Variants in CRACD observed in about 807,000 individuals in gnomAD.
CRACD encodes capping protein-inhibiting regulator of actin dynamics.
A neutral mutation model predicts 106.8 loss-of-function variants in CRACD; 56 were observed. The ratio of observed to expected loss-of-function variants is 0.52; its 90% confidence interval spans 0.42 to 0.66. The LOEUF (loss-of-function observed/expected upper bound fraction) is 0.66. CRACD is among the 30% of genes least tolerant of loss of function. The pLI is 0.00. For synonymous variants in CRACD, 754 were observed against 670.8 expected, an observed-to-expected ratio of 1.12 and a Z score of -1.92; for missense variants, 1,730 against 1,623.2, an observed-to-expected ratio of 1.07 and a Z score of -1.13.
At chr4:56,288,739 AC>A (rs150250291) in intron 3 of CRACD, among the ~76,000 whole-genome samples, 8,472 of 151,814 alleles carry the variant, frequency 0.056, 310 homozygotes, top group Non-Finnish European at 0.08. Flanking sequence ...CTTACGGCAC[AC>A]CTATTTACTT....
chr4:56,134,589 C>A (rs1272083828), intron 1 of CRACD, among the ~76,000 whole-genome samples: 1 of 152,110 alleles, frequency 6.6e-6, no homozygotes, highest in Non-Finnish European at 1.5e-5. Context: ...TCTCCCCAAG[C>A]ATTGTTTATA....
intron 1 of CRACD, among the ~76,000 whole-genome samples, chr4:56,087,732 T>G (rs1005652983): frequency 1.3e-5 from 2 of 152,176 alleles, no homozygotes; most frequent in Non-Finnish European, 2.9e-5. Context: ...CAAAATTCAA[T>G]GTATACAAAA....
intron 4 of CRACD, 87 bp downstream of exon 4, chr4:56,298,436 G>A (rs1577875926): frequency 1.3e-6 from 2 of 1,520,654 alleles, no homozygotes; most frequent in East Asian, 4.5e-5. Flanking sequence ...TTGGCCTTGA[G>A]TAATGGATTG....
At chr4:56,282,244 A>T (rs376272886) in intron 3 of CRACD, among the ~76,000 whole-genome samples, 8 of 152,242 alleles carry the variant, frequency 5.3e-5, no homozygotes, top group Admixed American at 3.3e-4. Context: ...AATCATTGCC[A>T]TAGTAATTAC....
At chr4:56,111,765 G>A (rs1220870297) in intron 1 of CRACD, among the ~76,000 whole-genome samples, 17 of 152,048 alleles carry the variant, frequency 1.1e-4, no homozygotes, top group African/African-American at 2.4e-4. Flanking sequence ...TGATCTGCCC[G>A]CCTCAGCCTT....
chr4:56,189,634 T>C (rs1737272179), intron 2 of CRACD, among the ~76,000 whole-genome samples: 2 of 144,976 alleles, frequency 1.4e-5, no homozygotes, highest in African/African-American at 5.1e-5. Flanking sequence ...CACCTATGAG[T>C]GAGAACATGC....
intron 2 of CRACD, among the ~76,000 whole-genome samples, chr4:56,229,134 A>G (rs1739474589): frequency 6.6e-6 from 1 of 152,214 alleles, no homozygotes; most frequent in African/African-American, 2.4e-5. Flanking sequence ...GGGAAGTTAA[A>G]CAGCAGAGAC....
At chr4:56,250,581 G>A (rs893142818) in intron 2 of CRACD, among the ~76,000 whole-genome samples, 1 of 152,202 alleles carries the variant, frequency 6.6e-6, no homozygotes, top group Non-Finnish European at 1.5e-5. Context: ...ATCTAGTAGT[G>A]TTCCCAAGAC....
At chr4:56,269,559 A>G (rs1002200216) in intron 2 of CRACD, among the ~76,000 whole-genome samples, 1 of 128,210 alleles carries the variant, frequency 7.8e-6, no homozygotes, top group African/African-American at 3.1e-5. Context: ...GGGAGGTGCC[A>G]CACTTTTTTT....
chr4:56,211,531 G>A (rs951273199), intron 2 of CRACD, among the ~76,000 whole-genome samples: 2 of 152,192 alleles, frequency 1.3e-5, no homozygotes, highest in South Asian at 2.1e-4. Context: ...ATGAGTATAC[G>A]CTGACAATTG....
intron 1 of CRACD, among the ~76,000 whole-genome samples, chr4:56,134,115 C>A (rs773197520): frequency 2.0e-5 from 3 of 151,788 alleles, no homozygotes; most frequent in Non-Finnish European, 4.4e-5. Context: ...GTGGGAGGAT[C>A]ACCTGAGCCC....
intron 3 of CRACD, among the ~76,000 whole-genome samples, chr4:56,289,252 T>G (rs1350022552): frequency 6.6e-6 from 1 of 152,162 alleles, no homozygotes; most frequent in South Asian, 2.1e-4. Flanking sequence ...ACTTAAAAAA[T>G]GTTAAAATAC....
intron 1 of CRACD, among the ~76,000 whole-genome samples, chr4:56,117,073 T>G (rs1734319055): frequency 1.4e-5 from 2 of 144,258 alleles, no homozygotes; most frequent in South Asian, 2.2e-4. Context: ...CAGGCTGGAG[T>G]GCAGTGGCAC....
chr4:56,087,868 TCTC>T (rs1453597437), intron 1 of CRACD, among the ~76,000 whole-genome samples: 1 of 152,112 alleles, frequency 6.6e-6, no homozygotes, highest in African/African-American at 2.4e-5. Context: ...CACTCTTTCT[TCTC>T]CTCCTGTATC....
intron 1 of CRACD, among the ~76,000 whole-genome samples, chr4:56,093,558 C>T (rs979145163): frequency 6.6e-6 from 1 of 152,178 alleles, no homozygotes; most frequent in Non-Finnish European, 1.5e-5. Flanking sequence ...AGCTACCTTC[C>T]CTTCTTTTAA....
intron 1 of CRACD, among the ~76,000 whole-genome samples, chr4:56,081,307 T>C (rs1212551208): frequency 3.3e-5 from 5 of 152,186 alleles, no homozygotes; most frequent in African/African-American, 1.2e-4. Flanking sequence ...CACCCAGAAA[T>C]ACAAGGATCC....
intron 1 of CRACD, among the ~76,000 whole-genome samples, chr4:56,173,916 C>G (rs1736478820): frequency 6.6e-6 from 1 of 152,158 alleles, no homozygotes; most frequent in African/African-American, 2.4e-5. Flanking sequence ...TAATGGCCAT[C>G]CTAGTAGGTG....
chr4:56,318,292 A>G (rs559878202), intron 8 of CRACD, among the ~76,000 whole-genome samples: 1 of 152,208 alleles, frequency 6.6e-6, no homozygotes, highest in African/African-American at 2.4e-5. Flanking sequence ...CACCGCACCC[A>G]GCTTGTCCTT....
chr4:56,220,481 G>T (rs1048920990), intron 2 of CRACD, among the ~76,000 whole-genome samples: 2 of 152,210 alleles, frequency 1.3e-5, no homozygotes, highest in African/African-American at 2.4e-5. Flanking sequence ...CCTGCTGGAA[G>T]AACGGTACAA....
Sources: allele counts gnomAD v4.1 joint callset (sites outside exome capture counted in the v4.1 genomes callset), GRCh38; gene constraint gnomAD v4.1.1; transcripts MANE v1.5; gene names NCBI Gene and HGNC (gene_info 2026-07-23, HGNC 2026-07-21).